Variants in KCNIP3 observed in about 807,000 individuals in gnomAD.
KCNIP3 encodes the protein calsenilin.
Under a neutral mutation model 35.0 loss-of-function variants are expected in KCNIP3, and 28 were observed. That is an observed-to-expected ratio of 0.80 (90% CI 0.59 to 1.10). The LOEUF (loss-of-function observed/expected upper bound fraction) is 1.10. KCNIP3 is among the 50% of genes least tolerant of loss of function. The pLI is 0.00. For synonymous variants in KCNIP3, 134 were observed against 133.8 expected (o/e 1.00, Z -0.01); for missense variants, 295 against 338.4 (o/e 0.87, Z 1.01).
chr2:95,361,491 C>A (rs1031667681), intron 2 of KCNIP3, among the ~76,000 whole-genome samples: 1 of 152,184 alleles, frequency 6.6e-6, no homozygotes, highest in Non-Finnish European at 1.5e-5. Context: ...CCCACATGTG[C>A]CTTGGCTCAC....
intron 2 of KCNIP3, chr2:95,346,946 C>T (rs1679386492): frequency 5.7e-6 from 6 of 1,056,802 alleles, no homozygotes; most frequent in Non-Finnish European, 7.9e-6. Flanking sequence ...GCTGCAGGGG[C>T]CCCGGTGCCT....
chr2:95,335,727 ATCATAAT>A (rs1296194676), intron 2 of KCNIP3, among the ~76,000 whole-genome samples: 1 of 152,176 alleles, frequency 6.6e-6, no homozygotes, highest in Non-Finnish European at 1.5e-5. Flanking sequence ...TAAAATTATT[ATCATAAT>A]TTATTCAAGT....
chr2:95,314,268 A>T (rs1678399600), intron 2 of KCNIP3, among the ~76,000 whole-genome samples: 1 of 152,228 alleles, frequency 6.6e-6, no homozygotes, highest in Non-Finnish European at 1.5e-5. Context: ...TACAATTGAC[A>T]TCATGAAGCA....
In KCNIP3 at chr2:95,310,420, G is replaced by A; in HGVS notation, c.81G>A (p.Lys27=). 6.2e-7 allele frequency: 1 copy of A among 1,614,010 alleles called. No homozygotes were observed. The highest frequency in any genetic ancestry group is 8.5e-7 in the Non-Finnish European group (1 of 1,179,972). ...GDLGHTPLSK[K]EGIKWQRPRL... ...TCGGGCACACACCACTTAGCAAGAA[G>A]GAGGGTATCAAGTGGCAGAGGCCGA... Residue 27 remains lysine (K), a synonymous_variant, in exon 2 of 9, where the codon AAG becomes AAA. Coordinates refer to ENST00000295225, the MANE Select transcript of KCNIP3 (RefSeq NM_013434.5).
At chr2:95,297,490 G>A (rs112540977) in intron 1 of KCNIP3, 37 bp downstream of exon 1, 1 of 1,329,488 alleles carries the variant, frequency 7.5e-7, no homozygotes, top group Non-Finnish European at 1.1e-6. Flanking sequence ...CTCTGGAGGG[G>A]GGTCGGGGGG....
At chr2:95,353,248 C>T (rs1242951875) in intron 2 of KCNIP3, among the ~76,000 whole-genome samples, 1 of 152,168 alleles carries the variant, frequency 6.6e-6, no homozygotes, top group African/African-American at 2.4e-5. Flanking sequence ...ATGCAGAGAA[C>T]CTGGGTGGGG....
At chr2:95,344,270 G>A (rs946708725) in intron 2 of KCNIP3, among the ~76,000 whole-genome samples, 1 of 140,484 alleles carries the variant, frequency 7.1e-6, no homozygotes, top group Admixed American at 7.0e-5. Context: ...CATGGGTGGC[G>A]GGGTGGGGGG....
At chr2:95,300,005 G>T (rs980838276) in intron 1 of KCNIP3, among the ~76,000 whole-genome samples, 1 of 152,224 alleles carries the variant, frequency 6.6e-6, no homozygotes, top group Non-Finnish European at 1.5e-5. Flanking sequence ...CAGACTGCAG[G>T]CTACAAGAGT....
chr2:95,344,453 A>G (rs1679296243), intron 2 of KCNIP3, among the ~76,000 whole-genome samples: 1 of 152,112 alleles, frequency 6.6e-6, no homozygotes, highest in African/African-American at 2.4e-5. Context: ...CCACGTGGAT[A>G]CTCTGCTCTC....
At chr2:95,357,835 G>A (rs1402166767) in intron 2 of KCNIP3, among the ~76,000 whole-genome samples, 2 of 152,216 alleles carry the variant, frequency 1.3e-5, no homozygotes, top group Non-Finnish European at 2.9e-5. Flanking sequence ...TGCTGGCCTC[G>A]CCTTGCTGTG....
intron 2 of KCNIP3, among the ~76,000 whole-genome samples, chr2:95,363,156 G>A (rs374945112): frequency 4.0e-5 from 6 of 151,478 alleles, no homozygotes; most frequent in Admixed American, 1.3e-4. Flanking sequence ...TTTTTTCCTT[G>A]TGGTTTGAGC....
Position 95,381,711 on chromosome 2 carries a change from G to C in KCNIP3, c.555+8G>C. 1.3e-6 allele frequency: 2 copies of C among 1,587,906 alleles called. No individual in the cohort carries two copies. Among genetic ancestry groups the C allele is most frequent in the South Asian group, 1.1e-5 (1 of 90,544 alleles). On this transcript the variant is annotated splice_region_variant and intron_variant, in intron 6 of 8. Coordinates refer to ENST00000295225, the MANE Select transcript of KCNIP3 (RefSeq NM_013434.5). ...GGCTACATCACCAAAGAGGTAGTAG[G>C]GGGCTGGGGGCAGGGATTGTCCCCT...
chr2:95,327,463 T>C (rs916037307), intron 2 of KCNIP3, among the ~76,000 whole-genome samples: 1 of 151,410 alleles, frequency 6.6e-6, no homozygotes. Context: ...ACAGTCACCA[T>C]GCACACTCAC....
rs575717329 is a variant in KCNIP3, at chr2:95,325,746, C to T, written c.181+15226C>T. ...TTATACACATACACACTCATACACA[C>T]GCACTCATACACACATACACACTCA... On this transcript the variant is annotated intron_variant, in intron 2 of 8. Coordinates refer to ENST00000295225, the MANE Select transcript of KCNIP3 (RefSeq NM_013434.5). Among the ~76,000 whole-genome samples the T allele has an allele frequency of 4.1e-4, 62 of 151,748 alleles. No individual in the cohort carries two copies. The East Asian group carries it at 5.8e-3, about 14-fold the overall frequency.
chr2:95,384,173 C>CAG lies in KCNIP3; in HGVS notation c.*125_*126insGA. 1 of 566,550 alleles carries CAG rather than the reference C, an allele frequency of 1.8e-6. No individual in the cohort carries two copies. The highest frequency in any genetic ancestry group is 4.5e-4 in the Middle Eastern group (1 of 2,244). 35.1% of individuals were successfully genotyped at this position (566,550 alleles called of 1,614,324 possible). On this transcript the variant is annotated 3_prime_UTR_variant, in exon 9 of 9. Transcript: ENST00000295225. ...TGCAAAAAGTGAACAGATTGCTACA[C>CAG]ACACACACACACACACACACACACA...
Position 95,376,605 on chromosome 2 carries a change from C to A in KCNIP3, c.447+1397C>A, listed in dbSNP as rs1010232334. 6.6e-6 allele frequency among the ~76,000 whole-genome samples: 1 copy of A among 152,274 alleles called. No homozygotes were observed. Among genetic ancestry groups the A allele is most frequent in the African/African-American group, 2.4e-5 (1 of 41,476 alleles). ...TCCTGGGCCTTCTGCAGCTTCTCTG[C>A]ACGTGAAACGAAGTCCTCTGGCTTC... On this transcript the variant is annotated intron_variant, in intron 5 of 8. Coordinates refer to ENST00000295225, the MANE Select transcript of KCNIP3 (RefSeq NM_013434.5). The surrounding 1 kb of genome is among the most constrained non-coding windows in gnomAD (Gnocchi z 4.2).
At chr2:95,346,897 G>T in intron 2 of KCNIP3, 1 of 415,492 alleles carries the variant, frequency 2.4e-6, no homozygotes, top group South Asian at 8.6e-5. Flanking sequence ...CGCCTGCCGG[G>T]GGCATGTGAG....
At chr2:95,315,395 A>ACTGGCC (rs1389072854) in intron 2 of KCNIP3, among the ~76,000 whole-genome samples, 1 of 152,286 alleles carries the variant, frequency 6.6e-6, no homozygotes, top group Admixed American at 6.5e-5. Flanking sequence ...AGAGGGGACC[A>ACTGGCC]CTGGCCCACC....
intron 2 of KCNIP3, among the ~76,000 whole-genome samples, chr2:95,323,647 G>A (rs1239831924): frequency 6.6e-6 from 1 of 152,122 alleles, no homozygotes. Context: ...TTCCCACCCC[G>A]TCACAACTTT....
Sources: allele counts gnomAD v4.1 joint callset (sites outside exome capture counted in the v4.1 genomes callset), GRCh38; gene constraint gnomAD v4.1.1; non-coding constraint Gnocchi (gnomAD v3.1); transcripts MANE v1.5; gene names NCBI Gene and HGNC (gene_info 2026-07-23, HGNC 2026-07-21).